PCDHGB5: variants seen among roughly 807,000 people sequenced by gnomAD.
The protein encoded by PCDHGB5 is protocadherin gamma subfamily B, 5.
In PCDHGB5, 48 loss-of-function variants were observed where a neutral mutation model predicts 62.9. The ratio of observed to expected loss-of-function variants is 0.76; its 90% confidence interval spans 0.61 to 0.97. The LOEUF is 0.97. Ranked by LOEUF, PCDHGB5 falls within the 50% of genes least tolerant of loss-of-function variation. PCDHGB5 has a pLI of 0.00. For missense variants in PCDHGB5, 1,118 were observed against 1,198.6 expected (o/e 0.93, Z 0.99); for synonymous variants, 474 against 511.2 (o/e 0.93, Z 0.98).
chr5:141,410,084 ACGG>A (rs748556729), intron 1 of PCDHGB5: 3 of 1,612,532 alleles, frequency 1.9e-6, no homozygotes, highest in Non-Finnish European at 2.5e-6. Context: ...GGAGGTGCGC[ACGG>A]CTCGAGCCTT....
At chr5:141,426,004 C>T (rs573455573) in intron 1 of PCDHGB5, among the ~76,000 whole-genome samples, 10 of 152,264 alleles carry the variant, frequency 6.6e-5, no homozygotes, top group Non-Finnish European at 8.8e-5. Flanking sequence ...CAAAGGCTTC[C>T]GGCTGCAGTT....
At chr5:141,420,190 A>T in intron 1 of PCDHGB5, 3 of 1,613,922 alleles carry the variant, frequency 1.9e-6, no homozygotes, top group Non-Finnish European at 2.5e-6. Flanking sequence ...GTCCAGCCAC[A>T]CAAGATAACC....
At chr5:141,420,722 A>G (rs1428516588) in intron 1 of PCDHGB5, among the ~76,000 whole-genome samples, 1 of 152,226 alleles carries the variant, frequency 6.6e-6, no homozygotes, top group African/African-American at 2.4e-5. Context: ...CGTTCCTTTC[A>G]GTCGGTTAAA....
In PCDHGB5 at chr5:141,487,192, C is replaced by T. The variant is rs2099641028; in HGVS notation, c.2398-7615C>T. ...TAGAGGAAGACACTCATCCAGTTGT[C>T]CCAGATCTTCGAGAATCTTCAGCTC... On this transcript the variant is annotated intron_variant, in intron 1 of 3. Transcript: ENST00000617380. This position sits in a 1 kb window ranked among gnomAD's most constrained non-coding sequence, Gnocchi z 5.0. 15 of 1,613,748 alleles carry T rather than the reference C, an allele frequency of 9.3e-6. No individual in the cohort carries two copies. Among genetic ancestry groups the T allele is most frequent in the African/African-American group, 1.3e-5 (1 of 75,040 alleles).
At chr5:141,434,713 T>C (rs1377558306) in intron 1 of PCDHGB5, among the ~76,000 whole-genome samples, 1 of 152,088 alleles carries the variant, frequency 6.6e-6, no homozygotes, top group Non-Finnish European at 1.5e-5. Flanking sequence ...GGTAAATCTC[T>C]GTTCAGGGCT....
At chr5:141,427,952 T>C (rs1311471634) in intron 1 of PCDHGB5, 38 of 1,587,018 alleles carry the variant, frequency 2.4e-5, no homozygotes, top group Non-Finnish European at 2.8e-5. Flanking sequence ...TCAATGACAA[T>C]GTGCCGCGGG....
At chr5:141,461,131 T>G (rs1372557827) in intron 1 of PCDHGB5, among the ~76,000 whole-genome samples, 1 of 152,094 alleles carries the variant, frequency 6.6e-6, no homozygotes, top group Non-Finnish European at 1.5e-5. Flanking sequence ...TATAATTACT[T>G]ATTTTCCTTT....
At chr5:141,449,876 C>T (rs924666805) in intron 1 of PCDHGB5, among the ~76,000 whole-genome samples, 1 of 151,724 alleles carries the variant, frequency 6.6e-6, no homozygotes, top group African/African-American at 2.4e-5. Context: ...AATTTAACAT[C>T]AATGCAATAT....
intron 1 of PCDHGB5, among the ~76,000 whole-genome samples, chr5:141,424,906 A>T (rs1417615946): frequency 5.9e-5 from 9 of 152,212 alleles, no homozygotes. Context: ...GATCACAGGA[A>T]TCATTTCCAT....
At position 141,486,114 on chromosome 5, in the gene PCDHGB5, A is replaced by G; in HGVS notation, c.2398-8693A>G. On this transcript the variant is annotated intron_variant, in intron 1 of 3. Coordinates refer to ENST00000617380, the MANE Select transcript of PCDHGB5 (RefSeq NM_018925.3). This position sits in a 1 kb window ranked among gnomAD's most constrained non-coding sequence, Gnocchi z 5.0. ...GGGCCCCTAGACTTTGAGAGTGAGAATTACTATGAATTTGATGTGCGGGCT... is the reference window on the plus strand; with the variant it reads ...GGGCCCCTAGACTTTGAGAGTGAGAGTTACTATGAATTTGATGTGCGGGCT... 3 of 1,614,082 alleles carry G rather than the reference A, an allele frequency of 1.9e-6. No individual in the cohort carries two copies. Among genetic ancestry groups the G allele is most frequent in the South Asian group, 2.2e-5 (2 of 91,072 alleles).
intron 1 of PCDHGB5, chr5:141,421,909 C>T: frequency 1.9e-6 from 3 of 1,613,710 alleles, no homozygotes; most frequent in Non-Finnish European, 2.5e-6. Context: ...GGGCGCAGTT[C>T]CCATTCGTGT....
intron 3 of PCDHGB5, among the ~76,000 whole-genome samples, chr5:141,509,633 GA>G (rs2099877629): frequency 6.6e-6 from 1 of 152,204 alleles, no homozygotes; most frequent in Non-Finnish European, 1.5e-5. Flanking sequence ...GGGTGATGCT[GA>G]GCCAGGGCCA....
chr5:141,399,465 G>C lies in PCDHGB5; in HGVS notation c.1338G>C (p.Pro446=), dbSNP rs770080703. 1.2e-5 allele frequency: 20 copies of C among 1,614,014 alleles called. No individual in the cohort carries two copies. Among genetic ancestry groups the C allele is most frequent in the Non-Finnish European group, 1.7e-5 (20 of 1,179,898 alleles). Residue 446 remains proline, a synonymous_variant, in exon 1 of 4, where the codon CCG becomes CCC. Transcript: ENST00000617380. ...TCAGAGACGTCAACGATAACGCTCC[G>C]GTTTTCCACCAGGCGTCCTACTTAG... ...LHIRDVNDNA[P]VFHQASYLVS...
chr5:141,403,992 T>G, intron 1 of PCDHGB5: 2 of 1,613,848 alleles, frequency 1.2e-6, no homozygotes, highest in South Asian at 2.2e-5. Flanking sequence ...AGACCTGAAG[T>G]GACCATTACA....
chr5:141,413,024 C>G, intron 1 of PCDHGB5: 1 of 736,254 alleles, frequency 1.4e-6, no homozygotes, highest in Non-Finnish European at 2.1e-6. Context: ...ACAAGCCCCA[C>G]AAACCGGCTG....
intron 2 of PCDHGB5, among the ~76,000 whole-genome samples, chr5:141,502,988 C>A (rs1285178746): frequency 6.7e-6 from 1 of 150,346 alleles, no homozygotes; most frequent in Non-Finnish European, 1.5e-5. Flanking sequence ...GGATTACAGG[C>A]GTGTGCCACC....
intron 1 of PCDHGB5, among the ~76,000 whole-genome samples, chr5:141,444,359 C>T (rs942218966): frequency 7.9e-5 from 12 of 151,582 alleles, no homozygotes; most frequent in East Asian, 7.7e-4. Context: ...TTAGTAGAGA[C>T]GGGGTTTCTC....
Position 141,486,255 on chromosome 5 carries a change from A to G in PCDHGB5, c.2398-8552A>G. 1 of 1,614,028 alleles carries G rather than the reference A, an allele frequency of 6.2e-7. No homozygotes were observed. Reference sequence around the variant, plus strand: ...ACCTCAGAGCTTGGAACCCTCCCCGAGAGTGCAGAACCTGGCACTGTGGTG... The same window carrying G: ...ACCTCAGAGCTTGGAACCCTCCCCGGGAGTGCAGAACCTGGCACTGTGGTG... On this transcript the variant is annotated intron_variant, in intron 1 of 3. Coordinates refer to ENST00000617380, the MANE Select transcript of PCDHGB5 (RefSeq NM_018925.3). This position sits in a 1 kb window ranked among gnomAD's most constrained non-coding sequence, Gnocchi z 5.0.
At position 141,485,314 on chromosome 5, in the gene PCDHGB5, T is replaced by A. The variant is rs1292296791; in HGVS notation, c.2398-9493T>A. The A allele has an allele frequency of 1.2e-6, 2 of 1,614,150 alleles. No homozygotes were observed. The highest frequency in any genetic ancestry group is 1.7e-6 in the Non-Finnish European group (2 of 1,180,032). ...CACAGGAAGGGACTTTTGTAGGGAA[T>A]GTCGCTCAAGATTTCCTGCTGGATA... On this transcript the variant is annotated intron_variant, in intron 1 of 3. Coordinates refer to ENST00000617380, the MANE Select transcript of PCDHGB5 (RefSeq NM_018925.3). This position sits in a 1 kb window ranked among gnomAD's most constrained non-coding sequence, Gnocchi z 5.7.
Sources: allele counts gnomAD v4.1 joint callset (sites outside exome capture counted in the v4.1 genomes callset), GRCh38; gene constraint gnomAD v4.1.1; non-coding constraint Gnocchi (gnomAD v3.1); transcripts MANE v1.5; gene names NCBI Gene and HGNC (gene_info 2026-07-23, HGNC 2026-07-21).